The following TASP1 variants were observed in gnomAD, a reference collection of about 807,000 sequenced individuals.
TASP1 encodes threonine aspartase 1.
TASP1 carries 16 observed loss-of-function variants against 56.6 expected under a neutral mutation model. The observed-to-expected ratio is 0.28, with a 90% confidence interval of 0.19 to 0.43. TASP1 has a LOEUF of 0.43. Among genes scored for constraint, TASP1 ranks in the 20% least tolerant of loss-of-function variants. The pLI, the probability that TASP1 is intolerant of heterozygous loss-of-function variation, is 1.00. For missense variants in TASP1, 393 were observed against 511.6 expected (o/e 0.77, Z 2.24); for synonymous variants, 179 against 184.2 (o/e 0.97, Z 0.23).
chr20:13,322,879 C>T, the TASP1 span, among the ~76,000 whole-genome samples: 5 of 152,302 alleles, frequency 3.3e-5, no homozygotes, highest in Admixed American at 6.5e-5. Flanking sequence ...TCCCCACCCC[C>T]GCTGCCCTGA....
the TASP1 span, among the ~76,000 whole-genome samples, chr20:13,269,972 G>A: frequency 2.6e-5 from 4 of 152,262 alleles, no homozygotes; most frequent in Admixed American, 6.6e-5. Context: ...TGGATAGATG[G>A]ATATGTGAAT....
At chr20:13,577,101 AG>A (rs2046952276) in intron 6 of TASP1, among the ~76,000 whole-genome samples, 1 of 152,176 alleles carries the variant, frequency 6.6e-6, no homozygotes, top group African/African-American at 2.4e-5. Flanking sequence ...ATTGTTACCT[AG>A]GGGTAGGGCA....
the TASP1 span, among the ~76,000 whole-genome samples, chr20:13,353,571 A>T: frequency 2.0e-5 from 3 of 152,226 alleles, no homozygotes; most frequent in Non-Finnish European, 2.9e-5. Flanking sequence ...GGACACATTC[A>T]TCAGCTTGGT....
At chr20:13,380,673 C>A in the TASP1 span, among the ~76,000 whole-genome samples, 3 of 152,152 alleles carry the variant, frequency 2.0e-5, no homozygotes, top group Non-Finnish European at 4.4e-5. Context: ...AAGCTGCGCC[C>A]ACAGCTGCCC....
chr20:13,396,798 C>T (rs2041557662), intron 13 of TASP1, among the ~76,000 whole-genome samples: 1 of 152,098 alleles, frequency 6.6e-6, no homozygotes, highest in African/African-American at 2.4e-5. Flanking sequence ...AACAAGGATG[C>T]CAGATGAAAC....
downstream of TASP1, among the ~76,000 whole-genome samples, chr20:13,385,728 G>A (rs981332141): frequency 1.3e-5 from 2 of 152,202 alleles, no homozygotes; most frequent in Admixed American, 1.3e-4. Context: ...AACACAAGGT[G>A]TACTAAGTCA....
chr20:13,454,464 T>C (rs1487782920), intron 11 of TASP1, among the ~76,000 whole-genome samples: 2 of 152,094 alleles, frequency 1.3e-5, no homozygotes, highest in Non-Finnish European at 2.9e-5. Flanking sequence ...ACCACAGTAC[T>C]TAGTATATGC....
chr20:13,165,084 G>T, the TASP1 span: 1 of 482,582 alleles, frequency 2.1e-6, no homozygotes, highest in Non-Finnish European at 3.7e-6. Flanking sequence ...CTTCTTCCAA[G>T]TATTCTACTA....
chr20:13,609,271 C>T (rs904470635), intron 4 of TASP1, among the ~76,000 whole-genome samples: 3 of 151,842 alleles, frequency 2.0e-5, no homozygotes, highest in South Asian at 2.1e-4. Flanking sequence ...ACAGTTATGA[C>T]GACAAAAACA....
intron 8 of TASP1, among the ~76,000 whole-genome samples, chr20:13,535,348 G>A (rs1174633295): frequency 6.6e-6 from 1 of 152,202 alleles, no homozygotes; most frequent in Non-Finnish European, 1.5e-5. Flanking sequence ...GAAGTAGAGT[G>A]TGCCACAACA....
chr20:13,223,162 AAAAAT>A, the TASP1 span, among the ~76,000 whole-genome samples: 269 of 146,064 alleles, frequency 1.8e-3, 2 homozygotes, highest in African/African-American at 5.0e-3. Context: ...GTCTCAAAAA[AAAAAT>A]AAAATAAAAT....
chr20:13,276,008 G>T, the TASP1 span, among the ~76,000 whole-genome samples: 14 of 152,306 alleles, frequency 9.2e-5, no homozygotes, highest in African/African-American at 3.4e-4. Flanking sequence ...TGCCACCCTT[G>T]TTCTTAGAGC....
the TASP1 span, among the ~76,000 whole-genome samples, chr20:13,273,300 T>A: frequency 1.2e-4 from 18 of 149,990 alleles, 1 homozygote; most frequent in African/African-American, 4.5e-4. Flanking sequence ...AGTTGTGCAA[T>A]CATGGCTTGT....
intron 10 of TASP1, among the ~76,000 whole-genome samples, chr20:13,514,457 A>G (rs913587927): frequency 5.9e-5 from 9 of 152,100 alleles, no homozygotes; most frequent in Non-Finnish European, 1.3e-4. Context: ...TTTCTCCTCC[A>G]TAAGGAAAGG....
At chr20:13,223,090 G>A in the TASP1 span, among the ~76,000 whole-genome samples, 1 of 151,912 alleles carries the variant, frequency 6.6e-6, no homozygotes, top group Admixed American at 6.6e-5. Flanking sequence ...TTGAACCCGG[G>A]AGGTTGTAGT....
At chr20:13,164,674 G>T in the TASP1 span, 2 of 1,010,820 alleles carry the variant, frequency 2.0e-6, no homozygotes, top group African/African-American at 1.6e-5. Context: ...TCTTTGTGAG[G>T]CTTGCTATTA....
chr20:13,433,118 C>T (rs1019471467), intron 12 of TASP1, among the ~76,000 whole-genome samples: 1 of 152,056 alleles, frequency 6.6e-6, no homozygotes, highest in African/African-American at 2.4e-5. Flanking sequence ...TAATGCTATC[C>T]GTCACCTAGC....
chr20:13,310,187 A>G, the TASP1 span, among the ~76,000 whole-genome samples: 2 of 152,356 alleles, frequency 1.3e-5, no homozygotes, highest in East Asian at 3.9e-4. Flanking sequence ...ATGTCAAAAT[A>G]TACTACAAAG....
At chr20:13,236,007 C>T in the TASP1 span, among the ~76,000 whole-genome samples, 13 of 151,760 alleles carry the variant, frequency 8.6e-5, no homozygotes, top group East Asian at 1.9e-3. Context: ...TCACTGCAAC[C>T]TCCACCTCCT....
Sources: gnomAD v4.1 joint callset for allele counts (sites outside exome capture counted in the v4.1 genomes callset) on GRCh38, gnomAD v4.1.1 for gene constraint, MANE v1.5 for transcripts, NCBI Gene and HGNC (gene_info 2026-07-23, HGNC 2026-07-21) for gene names.